Variants in LRMDA observed in about 807,000 individuals in gnomAD.
LRMDA encodes leucine-rich melanocyte differentiation-associated protein.
In LRMDA, 18 loss-of-function variants were observed where a neutral mutation model predicts 29.8. The ratio of observed to expected loss-of-function variants is 0.60; its 90% CI spans 0.42 to 0.90. The LOEUF (loss-of-function observed/expected upper bound fraction) is 0.90, where lower values mean the gene tolerates loss of function less well. LRMDA is among the 40% of genes least tolerant of loss of function. The pLI is 0.00. For synonymous variants in LRMDA, 125 were observed against 109.4 expected, an observed-to-expected ratio of 1.14 and a Z score of -0.89; for missense variants, 273 against 273.9, an observed-to-expected ratio of 1.00 and a Z score of 0.02.
At chr10:75,559,906 A>G (rs1840268840) in intron 2 of LRMDA, among the ~76,000 whole-genome samples, 1 of 111,968 alleles carries the variant, frequency 8.9e-6, no homozygotes, top group East Asian at 3.5e-4. Flanking sequence ...CTGTTTTGGT[A>G]CCAGTACCAT....
intron 6 of LRMDA, among the ~76,000 whole-genome samples, chr10:76,333,233 A>G (rs749028761): frequency 6.6e-6 from 1 of 152,352 alleles, no homozygotes; most frequent in Non-Finnish European, 1.5e-5. Context: ...GGTCCACATT[A>G]TGGCAGGCCT....
chr10:75,878,387 G>A (rs1845236285), intron 2 of LRMDA, among the ~76,000 whole-genome samples: 1 of 151,974 alleles, frequency 6.6e-6, no homozygotes, highest in Non-Finnish European at 1.5e-5. Context: ...GGGGCATGGA[G>A]TGGGAAGGTG....
chr10:76,520,548 A>C (rs1041033247), intron 6 of LRMDA, among the ~76,000 whole-genome samples: 1 of 152,164 alleles, frequency 6.6e-6, no homozygotes, highest in Non-Finnish European at 1.5e-5. Context: ...TTGACCCATA[A>C]AATTAGGGAC....
chr10:75,580,484 C>T (rs1161160751), intron 2 of LRMDA, among the ~76,000 whole-genome samples: 3 of 152,174 alleles, frequency 2.0e-5, no homozygotes, highest in African/African-American at 7.2e-5. Flanking sequence ...TGAAAATGGC[C>T]ATACCACCCA....
rs79833938 is a variant in LRMDA, at chr10:75,497,436, T to A, written c.131+58942T>A. Among the ~76,000 whole-genome samples the A allele has an allele frequency of 5.3e-3, 802 of 152,228 alleles. 17 individuals are homozygous for A. The East Asian group carries it at 0.094, about 18-fold the overall frequency. On this transcript the variant is annotated intron_variant, in intron 2 of 6. Transcript: ENST00000611255. ...TATCCCTCACCCTGAACACTCAGCA[T>A]GCCTATCATTTTCTAGAGTTCGATA... is the stretch of plus-strand genomic sequence containing the variant.
chr10:76,497,228 T>C lies in LRMDA; in HGVS notation c.602-59981T>C, dbSNP rs185616635. ...CTCTTTTAAAAGATATTTCAAACTT[T>C]CTTTTCATACATTTCTCTTATATAT... On this transcript the variant is annotated intron_variant, in intron 6 of 6. Coordinates refer to ENST00000611255, the MANE Select transcript of LRMDA (RefSeq NM_001305581.2). Among the ~76,000 whole-genome samples the C allele has an allele frequency of 3.7e-3, 280 of 75,138 alleles. 81 individuals carry two copies. Among genetic ancestry groups the C allele is most frequent in the African/African-American group, 8.8e-3 (270 of 30,830 alleles). The allele number at this position is 75,138 out of a possible 152,430, so 49.3% of individuals were successfully genotyped here. A position where few individuals can be genotyped will look rare whatever the true frequency, so the allele number is the denominator to read the frequency against.
intron 2 of LRMDA, among the ~76,000 whole-genome samples, chr10:75,832,582 C>T (rs547487737): frequency 1.8e-4 from 28 of 152,324 alleles, no homozygotes; most frequent in African/African-American, 5.5e-4. Flanking sequence ...TTTCAGGTAT[C>T]TTTTCAGTGG....
At chr10:76,046,057 C>A (rs1180209233) in intron 3 of LRMDA, among the ~76,000 whole-genome samples, 1 of 152,184 alleles carries the variant, frequency 6.6e-6, no homozygotes, top group Non-Finnish European at 1.5e-5. Flanking sequence ...TATGGCATTT[C>A]TTCTACCCTT....
At chr10:76,106,236 TACGTCTG>T (rs1458957997) in intron 5 of LRMDA, among the ~76,000 whole-genome samples, 3 of 152,224 alleles carry the variant, frequency 2.0e-5, no homozygotes, top group Non-Finnish European at 2.9e-5. Context: ...TAAATGTGAG[TACGTCTG>T]ACATTTAAGC....
intron 5 of LRMDA, among the ~76,000 whole-genome samples, chr10:76,064,072 G>T (rs143549064): frequency 1.5e-4 from 23 of 152,258 alleles, no homozygotes; most frequent in Non-Finnish European, 2.6e-4. Context: ...ATCATGAAAA[G>T]GTTGTTGTAT....
At chr10:76,342,220 A>ACT (rs1464389195) in intron 6 of LRMDA, among the ~76,000 whole-genome samples, 3 of 152,122 alleles carry the variant, frequency 2.0e-5, no homozygotes, top group African/African-American at 4.8e-5. Context: ...ATTTTCTAGT[A>ACT]CTCTTACATT....
chr10:76,191,617 A>G (rs1290719464), intron 5 of LRMDA, among the ~76,000 whole-genome samples: 1 of 152,172 alleles, frequency 6.6e-6, no homozygotes, highest in Non-Finnish European at 1.5e-5. Context: ...TCTAAATGTC[A>G]GATTTCTGAG....
chr10:76,252,695 T>C (rs1852506949), intron 5 of LRMDA, among the ~76,000 whole-genome samples: 2 of 152,230 alleles, frequency 1.3e-5, no homozygotes, highest in South Asian at 4.1e-4. Context: ...TTTCTGCCTG[T>C]CTTAAACTCA....
At chr10:76,410,390 T>C (rs1841947547) in intron 6 of LRMDA, among the ~76,000 whole-genome samples, 1 of 141,230 alleles carries the variant, frequency 7.1e-6, no homozygotes. Context: ...CTCGCTGCAG[T>C]ATCAACCTCT....
intron 5 of LRMDA, among the ~76,000 whole-genome samples, chr10:76,235,027 T>C (rs970338257): frequency 1.3e-5 from 2 of 152,256 alleles, no homozygotes; most frequent in African/African-American, 2.4e-5. Flanking sequence ...TCAGCCTATC[T>C]TGGCTTTTGA....
intron 5 of LRMDA, among the ~76,000 whole-genome samples, chr10:76,144,803 C>G (rs1184338337): frequency 6.6e-6 from 1 of 151,996 alleles, no homozygotes; most frequent in Non-Finnish European, 1.5e-5. Flanking sequence ...AGTTTTTGCC[C>G]ATTCAGTATG....
intron 6 of LRMDA, among the ~76,000 whole-genome samples, chr10:76,369,210 C>T (rs1056510363): frequency 2.6e-5 from 4 of 151,958 alleles, no homozygotes; most frequent in Non-Finnish European, 4.4e-5. Flanking sequence ...TTTATAGGTC[C>T]TGTGTGATTT....
intron 5 of LRMDA, among the ~76,000 whole-genome samples, chr10:76,243,140 G>A (rs1247492): frequency 0.59 from 89,697 of 151,912 alleles, 26,467 homozygotes; most frequent in Middle Eastern, 0.68. Flanking sequence ...TGATTCTCCC[G>A]TCCGTATCAC....
At chr10:75,474,575 GA>G (rs1429023872) in intron 2 of LRMDA, among the ~76,000 whole-genome samples, 1 of 152,214 alleles carries the variant, frequency 6.6e-6, no homozygotes, top group Non-Finnish European at 1.5e-5. Flanking sequence ...GGGAAGGTGG[GA>G]CGCAAACATC....
Sources: gnomAD v4.1 joint callset for allele counts (sites outside exome capture counted in the v4.1 genomes callset) on GRCh38, gnomAD v4.1.1 for gene constraint, MANE v1.5 for transcripts, NCBI Gene and HGNC (gene_info 2026-07-23, HGNC 2026-07-21) for gene names.